STK32C: variants seen among roughly 807,000 people sequenced by gnomAD.
The protein encoded by STK32C is serine/threonine kinase 32C, also known as serine/threonine-protein kinase 32C.
STK32C carries 31 observed loss-of-function variants against 56.5 expected under a neutral mutation model. The ratio of observed to expected loss-of-function variants is 0.55; its 90% CI spans 0.41 to 0.74. STK32C has a LOEUF of 0.74. STK32C is among the 30% of genes least tolerant of loss of function. The pLI is 0.00. For missense variants in STK32C, 544 were observed against 676.9 expected, an observed-to-expected ratio of 0.80 and a Z score of 2.18; for synonymous variants, 309 against 289.4, an observed-to-expected ratio of 1.07 and a Z score of -0.69.
intron 1 of STK32C, among the ~76,000 whole-genome samples, chr10:132,315,053 G>T (rs1368326286): frequency 6.6e-6 from 1 of 152,146 alleles, no homozygotes; most frequent in Admixed American, 6.5e-5. Flanking sequence ...AGAATCATTC[G>T]AACCTAAGAG....
intron 1 of STK32C, among the ~76,000 whole-genome samples, chr10:132,318,344 G>T (rs922622568): frequency 6.6e-6 from 1 of 151,474 alleles, no homozygotes; most frequent in African/African-American, 2.4e-5. Flanking sequence ...AACCAGGCAC[G>T]GTGGCTCACG....
chr10:132,288,074 A>T (rs1053300006), intron 1 of STK32C, among the ~76,000 whole-genome samples: 1 of 152,180 alleles, frequency 6.6e-6, no homozygotes, highest in African/African-American at 2.4e-5. Flanking sequence ...AGCCCAAAAA[A>T]AAAGGTGTCA....
Position 132,283,827 on chromosome 10 carries a change from C to T in STK32C, c.262+23745G>A, listed in dbSNP as rs369631805. ...CCCATGGCTGGCTGTGGCTCCACTT[C>T]TCCCCACGCTCTGCTGGGAAGAGCC... On this transcript the variant is annotated intron_variant, in intron 1 of 11. Coordinates refer to ENST00000298630, the MANE Select transcript of STK32C (RefSeq NM_173575.4). 2.6e-5 allele frequency among the ~76,000 whole-genome samples: 4 copies of T among 152,206 alleles called. No individual in the cohort carries two copies. In the South Asian group the frequency reaches 6.2e-4, roughly 24 times the overall value.
intron 1 of STK32C, among the ~76,000 whole-genome samples, chr10:132,284,789 G>C: frequency 6.8e-6 from 1 of 147,034 alleles, no homozygotes; most frequent in African/African-American, 2.6e-5. Context: ...CAAAGACCAG[G>C]CATGAACCCA....
chr10:132,307,626 A>G lies in STK32C; in HGVS notation c.208T>C (p.Ser70Pro), dbSNP rs2138411361. 1 of 1,557,484 alleles carries G rather than the reference A, an allele frequency of 6.4e-7. No homozygotes were observed. Among genetic ancestry groups the G allele is most frequent in the Non-Finnish European group, 8.7e-7 (1 of 1,155,410 alleles). ...QWSKWKKRMG[S>P]SMSAATARRP... Reference sequence around the variant, plus strand: ...CGCGCGGTGGCCGCCGACATGGACGAGCCCATCCTCTTCTTCCACTTGCTC... The same window carrying G: ...CGCGCGGTGGCCGCCGACATGGACGGGCCCATCCTCTTCTTCCACTTGCTC... The change falls in exon 1 of 12, where the codon TCG (serine) becomes CCG (proline). Residue 70 changes from serine (S) to proline (P), a missense_variant. Ser to Pro is a moderately conservative substitution (Grantham distance 74). Around this residue, in one of 3 missense-constraint regions of STK32C, gnomAD observed 182 missense variants for 217.7 expected, o/e 0.84. Transcript: ENST00000298630. The surrounding 1 kb of genome is among the most constrained non-coding windows in gnomAD (Gnocchi z 4.4).
intron 2 of STK32C, among the ~76,000 whole-genome samples, chr10:132,239,393 G>C (rs1216485838): frequency 6.6e-6 from 1 of 152,238 alleles, no homozygotes; most frequent in Non-Finnish European, 1.5e-5. Context: ...TCACAGCAAA[G>C]TCAGCAAAAA....
intron 1 of STK32C, among the ~76,000 whole-genome samples, chr10:132,267,133 T>C (rs1400725144): frequency 6.6e-6 from 1 of 152,198 alleles, no homozygotes; most frequent in Non-Finnish European, 1.5e-5. Flanking sequence ...ATGGTTTCTC[T>C]GACCTGTGAC....
chr10:132,246,556 C>G (rs569624101), intron 1 of STK32C, among the ~76,000 whole-genome samples: 2 of 152,302 alleles, frequency 1.3e-5, no homozygotes, highest in South Asian at 4.1e-4. Context: ...AGCCTGCGCC[C>G]AGCATGAGAG....
intron 1 of STK32C, among the ~76,000 whole-genome samples, chr10:132,273,370 T>C (rs1213663413): frequency 2.0e-5 from 3 of 152,182 alleles, no homozygotes; most frequent in Admixed American, 6.5e-5. Context: ...CAGGGAGATA[T>C]CACTGCAGTA....
Position 132,253,574 on chromosome 10 carries a change from G to C in STK32C, c.263-7619C>G, listed in dbSNP as rs1283759024. Among the ~76,000 whole-genome samples the C allele has an allele frequency of 5.6e-3, 708 of 127,558 alleles. 15 individuals are homozygous for C. Among genetic ancestry groups the C allele is most frequent in the African/African-American group, 0.021 (564 of 27,410 alleles). The allele number at this position is 127,558 out of a possible 152,430, so 83.7% of individuals were successfully genotyped here. On this transcript the variant is annotated intron_variant, in intron 1 of 11. Coordinates refer to ENST00000298630, the MANE Select transcript of STK32C (RefSeq NM_173575.4). ...GGAGCTGGAGGGAGTCGAGGGAGCT[G>C]GAGGGAGCTGGAGGGAGCCGAGGGA...
At position 132,225,774 on chromosome 10, in the gene STK32C, G is replaced by A; in HGVS notation, c.655C>T (p.Pro219Ser). The stretch of plus-strand genomic sequence containing the variant: ...CTCTCATCCAGGAGAATGTTGTCAG[G>A]CTTGACATCTCTAGAAAGAGCAGAA... ...GQHIIHRDVKPDNILLDERGH... is the reference protein window; with the variant it reads ...GQHIIHRDVKSDNILLDERGH... The change falls in exon 5 of 12, where the codon CCT becomes TCT. Residue 219 changes from proline (P) to serine (S), a missense_variant. This residue lies in a region of STK32C where 85 missense variants were observed against 149.9 expected (regional missense o/e 0.57). Transcript: ENST00000298630. The A allele has an allele frequency of 1.2e-6, 2 of 1,614,130 alleles. No individual in the cohort carries two copies. The highest frequency in any genetic ancestry group is 8.5e-7 in the Non-Finnish European group (1 of 1,180,014).
intron 1 of STK32C, among the ~76,000 whole-genome samples, chr10:132,299,836 T>A (rs1216512126): frequency 2.0e-5 from 3 of 152,246 alleles, no homozygotes; most frequent in Admixed American, 6.5e-5. Flanking sequence ...AGCCCTGTTA[T>A]TGGGCACAAG....
chr10:132,222,256 GGTGA>G (rs1336695945), intron 10 of STK32C, among the ~76,000 whole-genome samples: 1 of 148,124 alleles, frequency 6.8e-6, no homozygotes, highest in Non-Finnish European at 1.5e-5. Flanking sequence ...GACGCACCTG[GGTGA>G]GTGTGAGGGC....
intron 1 of STK32C, among the ~76,000 whole-genome samples, chr10:132,297,507 G>C (rs1295188088): frequency 6.6e-6 from 1 of 152,206 alleles, no homozygotes; most frequent in Non-Finnish European, 1.5e-5. Flanking sequence ...CTTCAGAACA[G>C]ATTTTTTTTC....
intron 1 of STK32C, among the ~76,000 whole-genome samples, chr10:132,250,855 C>A (rs1220539275): frequency 6.6e-6 from 1 of 152,206 alleles, no homozygotes; most frequent in Non-Finnish European, 1.5e-5. Flanking sequence ...GGGCAAGAGG[C>A]CAACGCTGCA....
chr10:132,259,391 T>G (rs2064231592), intron 1 of STK32C, among the ~76,000 whole-genome samples: 1 of 151,982 alleles, frequency 6.6e-6, no homozygotes, highest in African/African-American at 2.4e-5. Flanking sequence ...TGGTGGGAGG[T>G]GACTGGGTCA....
intron 1 of STK32C, among the ~76,000 whole-genome samples, chr10:132,269,161 G>A (rs557694821): frequency 7.2e-5 from 11 of 152,110 alleles, no homozygotes; most frequent in Non-Finnish European, 1.3e-4. Context: ...ACGTTGCATC[G>A]TGTGTGCATG....
intron 1 of STK32C, among the ~76,000 whole-genome samples, chr10:132,261,434 G>C (rs1332963944): frequency 6.6e-6 from 1 of 152,164 alleles, no homozygotes; most frequent in Non-Finnish European, 1.5e-5. Context: ...CCAAGGAGAT[G>C]AAAGAGCTCT....
At chr10:132,321,963 CA>C (rs1263141929), downstream of STK32C, among the ~76,000 whole-genome samples, 2 of 152,130 alleles carry the variant, frequency 1.3e-5, no homozygotes, top group African/African-American at 2.4e-5. Context: ...GGGGCTGTTG[CA>C]CTTGAGAATT....
Sources: allele counts gnomAD v4.1 joint callset (sites outside exome capture counted in the v4.1 genomes callset), GRCh38; gene constraint gnomAD v4.1.1; regional missense constraint gnomAD v4.1.1; non-coding constraint Gnocchi (gnomAD v3.1); transcripts MANE v1.5; gene names NCBI Gene and HGNC (gene_info 2026-07-23, HGNC 2026-07-21).